PHF3: variants seen among roughly 807,000 people sequenced by gnomAD.
PHF3 encodes PHD finger protein 3.
Under a neutral mutation model 178.4 loss-of-function variants are expected in PHF3, and 41 were observed. That is an observed-to-expected ratio of 0.23 (90% CI 0.18 to 0.30). The LOEUF (loss-of-function observed/expected upper bound fraction) is 0.30, where lower values mean the gene tolerates loss of function less well. Ranked by LOEUF, PHF3 falls within the 10% of genes least tolerant of loss-of-function variation. The probability of loss-of-function intolerance (pLI) is 1.00; values close to 1 mark genes in which losing one functional copy is unlikely to be tolerated. For missense variants in PHF3, 2,346 were observed against 2,398.1 expected (o/e 0.98, Z 0.45); for synonymous variants, 842 against 800.5 (o/e 1.05, Z -0.88).
intron 1 of PHF3, among the ~76,000 whole-genome samples, chr6:63,637,004 A>G (rs1228229794): frequency 1.3e-5 from 2 of 152,070 alleles, no homozygotes; most frequent in South Asian, 2.1e-4. Flanking sequence ...GCCAATTCCT[A>G]GAGACTAGAT....
chr6:63,652,918 G>C (rs964622337), intron 2 of PHF3, among the ~76,000 whole-genome samples: 2 of 151,490 alleles, frequency 1.3e-5, no homozygotes, highest in South Asian at 4.1e-4. Flanking sequence ...GTACCATGCT[G>C]TATTGGTTAT....
At position 63,713,662 on chromosome 6, in the gene PHF3, A is replaced by G. The variant is rs1768075871; in HGVS notation, c.6074A>G (p.Tyr2025Cys). The G allele has an allele frequency of 6.2e-7, 1 of 1,601,980 alleles. No individual in the cohort carries two copies. Among genetic ancestry groups the G allele is most frequent in the Non-Finnish European group, 8.5e-7 (1 of 1,176,650 alleles). ...GAAGGAGAAAAGGACAGGGATAGGT[A>G]CCACAAAGATAGGGACCACACTGAC... The part of the protein sequence containing the change: ...HREGEKDRDR[Y>C]HKDRDHTDRT... The change falls in exon 16 of 16, where the codon TAC becomes TGC. Residue 2025 changes from tyrosine (Y) to cysteine (C), a missense_variant. Physicochemically the swap from Tyr to Cys is radical, Grantham distance 194. Around this residue, in one of 8 missense-constraint regions of PHF3, gnomAD observed 839 missense variants for 806.9 expected, o/e 1.04. Coordinates refer to ENST00000262043, the MANE Select transcript of PHF3 (RefSeq NM_001370348.2).
In PHF3 at chr6:63,717,197, G is replaced by A. The variant is rs1255029878; in HGVS notation, c.*3489G>A. Among the ~76,000 whole-genome samples, 9 of 152,014 alleles carry A rather than the reference G, an allele frequency of 5.9e-5. No homozygotes were observed. The highest frequency in any genetic ancestry group is 3.9e-4 in the Admixed American group (6 of 15,210). ...CGTGTGTGTTAACATAAAACTACCC[G>A]TCAACAGGTAACTTTACTCTGTTGT... On this transcript the variant is annotated 3_prime_UTR_variant, in exon 16 of 16. Transcript: ENST00000262043.
intron 1 of PHF3, among the ~76,000 whole-genome samples, chr6:63,645,015 G>A (rs1171605382): frequency 6.6e-6 from 1 of 151,684 alleles, no homozygotes; most frequent in African/African-American, 2.4e-5. Flanking sequence ...CGAGTGACTG[G>A]GTCTACAGGC....
At chr6:63,708,080 C>T (rs182573295) in intron 13 of PHF3, among the ~76,000 whole-genome samples, 27 of 151,908 alleles carry the variant, frequency 1.8e-4, no homozygotes, top group Non-Finnish European at 5.9e-5. Context: ...TTAGCCAGGC[C>T]GGTTCTGAAC....
At chr6:63,643,788 A>G (rs1764673122) in intron 1 of PHF3, among the ~76,000 whole-genome samples, 1 of 152,200 alleles carries the variant, frequency 6.6e-6, no homozygotes, top group Non-Finnish European at 1.5e-5. Flanking sequence ...AACTTGACCC[A>G]TTTTATTTAC....
rs1314884733 is a variant in PHF3, at chr6:63,719,898, G to T, written c.*6190G>T. 6.6e-6 allele frequency: 1 copy of T among 151,950 alleles called. No homozygotes were observed. The highest frequency in any genetic ancestry group is 2.4e-5 in the African/African-American group (1 of 41,408). 9.4% of individuals were successfully genotyped at this position (151,950 alleles called of 1,614,324 possible). A position where few individuals can be genotyped will look rare whatever the true frequency, so the allele number is the denominator to read the frequency against. ...CATTTTTAATTCTTTTAGATATTTA[G>T]GATATTTGCCTTCATGTTTGTGATA... On this transcript the variant is annotated 3_prime_UTR_variant, in exon 16 of 16. Transcript: ENST00000262043.
chr6:63,713,158 C>G lies in PHF3; in HGVS notation c.5570C>G (p.Pro1857Arg). 1 of 1,614,070 alleles carries G rather than the reference C, an allele frequency of 6.2e-7. No homozygotes were observed. The highest frequency in any genetic ancestry group is 1.6e-4 in the Middle Eastern group (1 of 6,062). Residue 1857 changes from proline (P) to arginine (R), a missense_variant, in exon 16 of 16, where the codon CCT (proline) becomes CGT (arginine). Pro to Arg is a moderately radical substitution (Grantham distance 103, BLOSUM62 -2). Around this residue, in one of 8 missense-constraint regions of PHF3, gnomAD observed 839 missense variants for 806.9 expected, o/e 1.04. Coordinates refer to ENST00000262043, the MANE Select transcript of PHF3 (RefSeq NM_001370348.2). ...FAQNPMVPWPPVVHLPGQPQR... is the reference protein window; with the variant it reads ...FAQNPMVPWPRVVHLPGQPQR... ...CAAAATCCCATGGTTCCCTGGCCAC[C>G]TGTTGTTCATCTCCCAGGTCAGCCA...
At chr6:63,705,512 G>A (rs569627224) in intron 11 of PHF3, among the ~76,000 whole-genome samples, 4 of 152,288 alleles carry the variant, frequency 2.6e-5, no homozygotes, top group African/African-American at 2.4e-5. Flanking sequence ...TCTAGGTTGC[G>A]TGCTCCTTAT....
rs1231101799 is a variant in PHF3, at chr6:63,721,668, G to C, written c.*7960G>C. 6.4e-7 allele frequency: 1 copy of C among 1,551,246 alleles called. No homozygotes were observed. On this transcript the variant is annotated 3_prime_UTR_variant, in exon 16 of 16. Coordinates refer to ENST00000262043, the MANE Select transcript of PHF3 (RefSeq NM_001370348.2). ...GTAGCCTTCTGCACCAACTCTTCCT[G>C]CTTTTATTATATGCCAAGTACTTCC...
chr6:63,686,015 C>T, intron 4 of PHF3, 104 bp downstream of exon 4: 1 of 738,824 alleles, frequency 1.4e-6, no homozygotes, highest in Non-Finnish European at 2.2e-6. Flanking sequence ...ATTTGATACA[C>T]AGAGACCTGT....
rs1768416573 is a variant in PHF3, at chr6:63,721,988, C to T, written c.*8280C>T. On this transcript the variant is annotated 3_prime_UTR_variant, in exon 16 of 16. Transcript: ENST00000262043. ...ATATCCTGTATTCTTTCATTTTGTT[C>T]AGCAATTGGCTACATAAATTTTCTC... is the stretch of plus-strand genomic sequence containing the variant. 6.6e-6 allele frequency among the ~76,000 whole-genome samples: 1 copy of T among 152,082 alleles called. No homozygotes were observed. Among genetic ancestry groups the T allele is most frequent in the African/African-American group, 2.4e-5 (1 of 41,400 alleles).
In PHF3 at chr6:63,680,158, C is replaced by G; in HGVS notation, c.403C>G (p.Gln135Glu). 10 of 1,599,730 alleles carry G rather than the reference C, an allele frequency of 6.3e-6. No individual in the cohort carries two copies. Among genetic ancestry groups the G allele is most frequent in the Non-Finnish European group, 8.5e-6 (10 of 1,174,526 alleles). ...SPRKSPRLMA[Q>E]EQVRSLRQST... The stretch of plus-strand genomic sequence containing the variant: ...AAGAAAATCACCTCGTTTAATGGCA[C>G]AAGGTAATCCTTTGAGAGAGGTCTA... Residue 135 changes from glutamine (Q) to glutamate (E), a missense_variant, in exon 3 of 16, where the codon CAA becomes GAA. Physicochemically the swap from Gln to Glu is conservative, Grantham distance 29. Coordinates refer to ENST00000262043, the MANE Select transcript of PHF3 (RefSeq NM_001370348.2).
At chr6:63,690,811 A>G (rs73762456) in intron 4 of PHF3, among the ~76,000 whole-genome samples, 7,074 of 152,200 alleles carry the variant, frequency 0.046, 562 homozygotes, top group African/African-American at 0.16. Flanking sequence ...TGCTGTGTAT[A>G]TATCTCATTT....
Position 63,700,379 on chromosome 6 carries a change from A to T in PHF3, c.3012A>T (p.Glu1004Asp), listed in dbSNP as rs1277308199. 2.5e-6 allele frequency: 4 copies of T among 1,582,170 alleles called. No individual in the cohort carries two copies. In the South Asian group the frequency reaches 4.5e-5, roughly 18 times the overall value. The change falls in exon 9 of 16, where the codon GAA (glutamate) becomes GAT (aspartate). Residue 1004 changes from glutamate to aspartate, a missense_variant. Transcript: ENST00000262043. ...TATTTAAAAAAGTACTGAAAGGAGA[A>T]GTAACTCCTGATCATCTTATCAGAA... ...NILFKKVLKG[E>D]VTPDHLIRMS...
At chr6:63,675,361 A>G (rs1183976986) in intron 2 of PHF3, among the ~76,000 whole-genome samples, 2 of 152,194 alleles carry the variant, frequency 1.3e-5, no homozygotes, top group Admixed American at 6.5e-5. Flanking sequence ...ACTCAGCTTA[A>G]CTACTTCTAG....
chr6:63,666,755 C>CTTTT (rs1050386767), intron 2 of PHF3, among the ~76,000 whole-genome samples: 1 of 142,804 alleles, frequency 7.0e-6, no homozygotes, highest in Non-Finnish European at 1.5e-5. Context: ...TGTCCCCCTC[C>CTTTT]TTTTTTTTTT....
intron 2 of PHF3, among the ~76,000 whole-genome samples, chr6:63,662,000 G>T (rs908935536): frequency 6.6e-6 from 1 of 152,116 alleles, no homozygotes; most frequent in Non-Finnish European, 1.5e-5. Context: ...GAGCATTACC[G>T]CTTGAGTTCC....
At chr6:63,661,377 A>G (rs755761280) in intron 2 of PHF3, among the ~76,000 whole-genome samples, 3 of 152,208 alleles carry the variant, frequency 2.0e-5, no homozygotes, top group African/African-American at 4.8e-5. Flanking sequence ...AACTTTGCCT[A>G]TCAGATTTAT....
Sources: allele counts gnomAD v4.1 joint callset (sites outside exome capture counted in the v4.1 genomes callset), GRCh38; gene constraint gnomAD v4.1.1; regional missense constraint gnomAD v4.1.1; transcripts MANE v1.5; gene names NCBI Gene and HGNC (gene_info 2026-07-23, HGNC 2026-07-21).